ZMAT4: variants seen among roughly 807,000 people sequenced by gnomAD.
ZMAT4 encodes the protein zinc finger matrin-type protein 4.
ZMAT4 carries 17 observed loss-of-function variants against 28.7 expected under a neutral mutation model. The observed-to-expected ratio is 0.59, with a 90% CI of 0.41 to 0.89. The LOEUF is 0.89. ZMAT4 is among the 40% of genes least tolerant of loss of function. ZMAT4 has a pLI of 0.00. For missense variants in ZMAT4, 240 were observed against 283.8 expected (o/e 0.85, Z 1.11); for synonymous variants, 117 against 109.2 (o/e 1.07, Z -0.44).
At chr8:40,569,139 T>C (rs973212584) in intron 6 of ZMAT4, among the ~76,000 whole-genome samples, 1 of 152,086 alleles carries the variant, frequency 6.6e-6, no homozygotes. Flanking sequence ...AGCTACAAAA[T>C]GAAAATCCCA....
rs899264919 is a variant in ZMAT4, at chr8:40,788,170, AC to A, written c.103-20441del. Among the ~76,000 whole-genome samples, 8 of 152,356 alleles carry A rather than the reference AC, an allele frequency of 5.3e-5. No individual in the cohort carries two copies. In the East Asian group the frequency reaches 9.6e-4, roughly 18 times the overall value. On this transcript the variant is annotated intron_variant, in intron 2 of 6. Coordinates refer to ENST00000297737, the MANE Select transcript of ZMAT4 (RefSeq NM_024645.3). ...AATATCAGGAATGAGAGATAAAAAA[AC>A]ATGACTCCTTCTACATATATTAAAA...
At chr8:40,540,328 C>T (rs1802991392) in intron 6 of ZMAT4, among the ~76,000 whole-genome samples, 2 of 152,008 alleles carry the variant, frequency 1.3e-5, no homozygotes, top group Non-Finnish European at 2.9e-5. Context: ...CCCTTTTTTC[C>T]CTTTTCACCC....
At chr8:40,677,021 T>C in intron 4 of ZMAT4, among the ~76,000 whole-genome samples, 1 of 152,204 alleles carries the variant, frequency 6.6e-6, no homozygotes, top group Admixed American at 6.6e-5. Context: ...TTAGCTATTG[T>C]TTTTGATGGC....
Position 40,601,468 on chromosome 8 carries a change from G to GGAAAGAAAGAAAGAAAGAAAGAAAGAAA in ZMAT4, c.578-20208_578-20207insTTTCTTTCTTTCTTTCTTTCTTTCTTTC, listed in dbSNP as rs71224836. 4.2e-3 allele frequency among the ~76,000 whole-genome samples: 84 copies of GGAAAGAAAGAAAGAAAGAAAGAAAGAAA among 19,986 alleles called. 6 individuals are homozygous for GGAAAGAAAGAAAGAAAGAAAGAAAGAAA. Among genetic ancestry groups the GGAAAGAAAGAAAGAAAGAAAGAAAGAAA allele is most frequent in the Non-Finnish European group, 5.3e-3 (55 of 10,334 alleles). The allele number at this position is 19,986 out of a possible 152,430, so 13.1% of individuals were successfully genotyped here. On this transcript the variant is annotated intron_variant, in intron 5 of 6. Transcript: ENST00000297737. ...AGGAAGGAAGGAAGGGAGGAAGAAA[G>GGAAAGAAAGAAAGAAAGAAAGAAAGAAA]GAAAGAAAGAAAGAAAGAAAGAAAG...
chr8:40,772,252 C>A (rs982055129), intron 2 of ZMAT4, among the ~76,000 whole-genome samples: 1 of 152,152 alleles, frequency 6.6e-6, no homozygotes, highest in South Asian at 2.1e-4. Context: ...AGGCATTGTG[C>A]GGGGACAGAC....
chr8:40,537,323 A>G (rs1294403053), intron 6 of ZMAT4, among the ~76,000 whole-genome samples: 1 of 152,190 alleles, frequency 6.6e-6, no homozygotes, highest in Non-Finnish European at 1.5e-5. Context: ...AACCTTCTTG[A>G]AAAAAACAAA....
intron 1 of ZMAT4, among the ~76,000 whole-genome samples, chr8:40,866,517 T>A (rs998967705): frequency 6.6e-6 from 1 of 152,224 alleles, no homozygotes; most frequent in Admixed American, 6.5e-5. Flanking sequence ...TCATAAAGCA[T>A]GAAAGATGAG....
At chr8:40,711,300 GA>G (rs543685462) in intron 3 of ZMAT4, among the ~76,000 whole-genome samples, 251 of 152,108 alleles carry the variant, frequency 1.7e-3, no homozygotes, top group African/African-American at 5.6e-3. Flanking sequence ...ATTAATCAAT[GA>G]AAAAAATAGA....
chr8:40,853,486 G>A (rs534872812), intron 1 of ZMAT4, among the ~76,000 whole-genome samples: 117 of 152,218 alleles, frequency 7.7e-4, no homozygotes, highest in Non-Finnish European at 1.5e-3. Context: ...AACCCAGGAG[G>A]AAGAGGTTGC....
chr8:40,645,418 T>C (rs979001759), intron 5 of ZMAT4, among the ~76,000 whole-genome samples: 7 of 152,208 alleles, frequency 4.6e-5, no homozygotes, highest in African/African-American at 1.7e-4. Flanking sequence ...AAGGAAGTTT[T>C]GTTTGATGGA....
intron 5 of ZMAT4, among the ~76,000 whole-genome samples, chr8:40,661,866 G>C (rs1383927113): frequency 1.3e-5 from 2 of 152,210 alleles, no homozygotes; most frequent in African/African-American, 4.8e-5. Context: ...CCCAGGAAGG[G>C]AGGGTCTTAG....
chr8:40,881,534 G>GAAAGAAAGA (rs1818249697), intron 1 of ZMAT4, among the ~76,000 whole-genome samples: 1 of 27,104 alleles, frequency 3.7e-5, no homozygotes, highest in African/African-American at 1.8e-4. Context: ...GAGACAGAAA[G>GAAAGAAAGA]AAAGAAAGAA....
chr8:40,621,533 A>G (rs1380934306), intron 5 of ZMAT4, among the ~76,000 whole-genome samples: 2 of 152,204 alleles, frequency 1.3e-5, no homozygotes, highest in African/African-American at 4.8e-5. Context: ...AGATGGTAGA[A>G]ATGTGGGAGC....
At chr8:40,716,732 G>A (rs1056451631) in intron 3 of ZMAT4, among the ~76,000 whole-genome samples, 1 of 152,078 alleles carries the variant, frequency 6.6e-6, no homozygotes, top group African/African-American at 2.4e-5. Context: ...GTTTGATTAG[G>A]GTCCAAATGT....
chr8:40,802,007 A>G (rs73617428), intron 2 of ZMAT4, among the ~76,000 whole-genome samples: 1 of 152,106 alleles, frequency 6.6e-6, no homozygotes, highest in Non-Finnish European at 1.5e-5. Flanking sequence ...TGCAGAAAAA[A>G]CATTTGACAA....
At chr8:40,541,644 G>C (rs1279820399) in intron 6 of ZMAT4, among the ~76,000 whole-genome samples, 2 of 152,126 alleles carry the variant, frequency 1.3e-5, no homozygotes, top group African/African-American at 4.8e-5. Context: ...CTGGGCTAGT[G>C]TCACTGAAAG....
At chr8:40,716,273 A>T (rs926592771) in intron 3 of ZMAT4, among the ~76,000 whole-genome samples, 6 of 152,128 alleles carry the variant, frequency 3.9e-5, no homozygotes, top group Non-Finnish European at 7.4e-5. Context: ...CCCTCGCCAG[A>T]CCTGCTGCAT....
intron 5 of ZMAT4, among the ~76,000 whole-genome samples, chr8:40,603,491 A>T (rs967104378): frequency 2.0e-5 from 3 of 152,234 alleles, no homozygotes; most frequent in Non-Finnish European, 2.9e-5. Context: ...AGGAAATTAC[A>T]TTGAATTTGT....
intron 2 of ZMAT4, among the ~76,000 whole-genome samples, chr8:40,773,853 G>GA (rs906528061): frequency 1.5e-4 from 22 of 146,540 alleles, no homozygotes; most frequent in African/African-American, 4.8e-4. Flanking sequence ...AGTAAAATGA[G>GA]AAAAAAAAAG....
Sources: gnomAD v4.1 joint callset for allele counts (sites outside exome capture counted in the v4.1 genomes callset) on GRCh38, gnomAD v4.1.1 for gene constraint, MANE v1.5 for transcripts, NCBI Gene and HGNC (gene_info 2026-07-23, HGNC 2026-07-21) for gene names.